LUZP2: variants seen among roughly 807,000 people sequenced by gnomAD.
LUZP2 encodes the protein leucine zipper protein 2.
Under a neutral mutation model 51.6 loss-of-function variants are expected in LUZP2, and 52 were observed. That is an observed-to-expected ratio of 1.01 (90% CI 0.81 to 1.27). The LOEUF (loss-of-function observed/expected upper bound fraction) is 1.27. LUZP2 is among the 50% of genes most tolerant of loss of function. The pLI, the probability that LUZP2 is intolerant of heterozygous loss-of-function variation, is 0.00. For missense variants in LUZP2, 436 were observed against 395.4 expected, an observed-to-expected ratio of 1.10 and a Z score of -0.87; for synonymous variants, 154 against 137.3, an observed-to-expected ratio of 1.12 and a Z score of -0.85.
chr11:24,669,409 C>A (rs1323547923), intron 1 of LUZP2, among the ~76,000 whole-genome samples: 1 of 152,086 alleles, frequency 6.6e-6, no homozygotes, highest in Non-Finnish European at 1.5e-5. Context: ...CTGCCGAATG[C>A]TTTCCTAATT....
chr11:25,076,566 AGGAGGAAGGGAG>A (rs920395711), intron 10 of LUZP2, among the ~76,000 whole-genome samples: 3 of 146,788 alleles, frequency 2.0e-5, no homozygotes, highest in Admixed American at 6.8e-5. Flanking sequence ...GAAGGAGGGA[AGGAGGAAGGGAG>A]GGAGGAAGGG....
At chr11:24,805,610 A>C (rs1238351663) in intron 5 of LUZP2, among the ~76,000 whole-genome samples, 1 of 152,160 alleles carries the variant, frequency 6.6e-6, no homozygotes, top group African/African-American at 2.4e-5. Context: ...TGGTACTGGA[A>C]GTTTTCAGCC....
chr11:24,897,259 A>G (rs906043451), intron 5 of LUZP2, among the ~76,000 whole-genome samples: 2 of 152,218 alleles, frequency 1.3e-5, no homozygotes, highest in Admixed American at 1.3e-4. Context: ...GCCAATCAGC[A>G]GGATGCAGGT....
intron 1 of LUZP2, among the ~76,000 whole-genome samples, chr11:24,717,919 T>G (rs1039067538): frequency 1.3e-5 from 2 of 152,196 alleles, no homozygotes; most frequent in East Asian, 1.9e-4. Flanking sequence ...ATAAAAGATA[T>G]GATCTCATTC....
In LUZP2 at chr11:24,922,830, TTTTTTTC is replaced by T. The variant is rs1210635686; in HGVS notation, c.522+8299_522+8305del. Among the ~76,000 whole-genome samples, 258 of 43,096 alleles carry T rather than the reference TTTTTTTC, an allele frequency of 6.0e-3. 35 individuals are homozygous for T. The highest frequency in any genetic ancestry group is 0.01 in the South Asian group (17 of 1,662). 28.3% of individuals were successfully genotyped at this position (43,096 alleles called of 152,430 possible). On this transcript the variant is annotated intron_variant, in intron 7 of 11. Coordinates refer to ENST00000336930, the MANE Select transcript of LUZP2 (RefSeq NM_001009909.4). ...ACCAAGTGGCACAGTTATATCTTTTTTTTTTTCTTTTTTTTTTTTTTTTTTTTTTTTT... is the reference window on the plus strand; with the variant it reads ...ACCAAGTGGCACAGTTATATCTTTTTTTTTTTTTTTTTTTTTTTTTTTTTT...
intron 1 of LUZP2, among the ~76,000 whole-genome samples, chr11:24,628,122 T>G (rs1440317497): frequency 6.6e-6 from 1 of 152,040 alleles, no homozygotes; most frequent in Non-Finnish European, 1.5e-5. Flanking sequence ...TGTTTTAAGA[T>G]GCGTACTTTT....
chr11:24,609,174 A>G (rs1854034479), intron 1 of LUZP2, among the ~76,000 whole-genome samples: 1 of 152,152 alleles, frequency 6.6e-6, no homozygotes, highest in African/African-American at 2.4e-5. Flanking sequence ...ATAAGGCAGA[A>G]TTGTATGATA....
chr11:24,747,823 G>T (rs994040036), intron 4 of LUZP2, among the ~76,000 whole-genome samples: 76 of 152,106 alleles, frequency 5.0e-4, no homozygotes, highest in African/African-American at 1.7e-3. Context: ...CATGCAGGTT[G>T]TTGGGTAAGT....
At chr11:25,068,369 T>A (rs1468787096) in intron 10 of LUZP2, among the ~76,000 whole-genome samples, 3 of 151,976 alleles carry the variant, frequency 2.0e-5, no homozygotes, top group Admixed American at 6.6e-5. Context: ...TTTTATAATT[T>A]AATTTAGTAA....
intron 1 of LUZP2, among the ~76,000 whole-genome samples, chr11:24,503,219 T>A (rs542753863): frequency 7.5e-6 from 1 of 132,544 alleles, no homozygotes; most frequent in Admixed American, 8.2e-5. Flanking sequence ...AATAACATTC[T>A]GACTATTACA....
At chr11:25,039,046 A>T (rs1857954063) in intron 9 of LUZP2, among the ~76,000 whole-genome samples, 1 of 152,206 alleles carries the variant, frequency 6.6e-6, no homozygotes, top group Admixed American at 6.5e-5. Context: ...TGGTGTAAAT[A>T]GGAGAGAGGT....
chr11:24,988,853 A>G (rs1856255306), intron 9 of LUZP2, among the ~76,000 whole-genome samples: 1 of 152,000 alleles, frequency 6.6e-6, no homozygotes, highest in East Asian at 1.9e-4. Flanking sequence ...TACATTCAAG[A>G]AGCTGGATAT....
intron 1 of LUZP2, among the ~76,000 whole-genome samples, chr11:24,607,868 A>G (rs1379158792): frequency 1.4e-5 from 2 of 144,170 alleles, no homozygotes; most frequent in Non-Finnish European, 3.0e-5. Context: ...TTTATTTTTG[A>G]GACGGAGTCT....
At chr11:24,795,204 T>A (rs1227861443) in intron 5 of LUZP2, among the ~76,000 whole-genome samples, 1 of 152,184 alleles carries the variant, frequency 6.6e-6, no homozygotes, top group East Asian at 1.9e-4. Context: ...CTTTTTATTT[T>A]GAACAATTTG....
chr11:25,061,581 A>G (rs1858838720), intron 10 of LUZP2, among the ~76,000 whole-genome samples: 2 of 152,102 alleles, frequency 1.3e-5, no homozygotes, highest in Admixed American at 1.3e-4. Context: ...ATATTTTATT[A>G]CTTGAATTTG....
Position 24,660,392 on chromosome 11 carries a change from A to G in LUZP2, c.63-68777A>G, listed in dbSNP as rs992708301. On this transcript the variant is annotated intron_variant, in intron 1 of 11. Transcript: ENST00000336930. ...TCTGCTACAACTATAATGTGATGTGAAAATATCTGTGTTTTTCTATTTGTA... is the reference window on the plus strand; with the variant it reads ...TCTGCTACAACTATAATGTGATGTGGAAATATCTGTGTTTTTCTATTTGTA... Among the ~76,000 whole-genome samples the G allele has an allele frequency of 5.0e-4, 76 of 152,328 alleles. 1 individual carries two copies. The highest frequency in any genetic ancestry group is 1.8e-3 in the African/African-American group (73 of 41,584).
At chr11:24,959,232 A>G (rs1166053288) in intron 7 of LUZP2, among the ~76,000 whole-genome samples, 1 of 152,046 alleles carries the variant, frequency 6.6e-6, no homozygotes. Context: ...TGACTTGGCG[A>G]TGCGGGCTCT....
chr11:25,039,115 A>G (rs975569190), intron 9 of LUZP2, among the ~76,000 whole-genome samples: 1 of 152,158 alleles, frequency 6.6e-6, no homozygotes, highest in African/African-American at 2.4e-5. Flanking sequence ...ACCTCTGGTC[A>G]CTGGAAATGT....
At chr11:24,869,069 T>A (rs184527074) in intron 5 of LUZP2, among the ~76,000 whole-genome samples, 10 of 152,268 alleles carry the variant, frequency 6.6e-5, no homozygotes, top group African/African-American at 2.4e-4. Context: ...GATTTTGCAC[T>A]CTGTGACAAG....
Sources: gnomAD v4.1 joint callset for allele counts (sites outside exome capture counted in the v4.1 genomes callset) on GRCh38, gnomAD v4.1.1 for gene constraint, MANE v1.5 for transcripts, NCBI Gene and HGNC (gene_info 2026-07-23, HGNC 2026-07-21) for gene names.